The following PSMB7 variants were observed in gnomAD, a reference collection of about 807,000 sequenced individuals.
PSMB7 encodes proteasome subunit beta type-7.
In PSMB7, 5 loss-of-function variants were observed where a neutral mutation model predicts 28.1. That is an observed-to-expected ratio of 0.18 (90% CI 0.09 to 0.37). The LOEUF (loss-of-function observed/expected upper bound fraction) is 0.37. Among genes scored for constraint, PSMB7 ranks in the 10% least tolerant of loss-of-function variants. The pLI is 1.00. For synonymous variants in PSMB7, 122 were observed against 123.7 expected (o/e 0.99, Z 0.09); for missense variants, 275 against 346.2 (o/e 0.79, Z 1.63).
At chr9:124,389,584 C>A (rs1830763387) in intron 5 of PSMB7, among the ~76,000 whole-genome samples, 1 of 152,160 alleles carries the variant, frequency 6.6e-6, no homozygotes, top group Admixed American at 6.5e-5. Context: ...CCCAACCCAC[C>A]AAGAAGCCGG....
At chr9:124,363,999 G>C (rs3758208) in intron 6 of PSMB7, among the ~76,000 whole-genome samples, 9,565 of 152,146 alleles carry the variant, frequency 0.063, 926 homozygotes, top group East Asian at 0.46. Flanking sequence ...TGAGAATAAT[G>C]CCTCTGTCCA....
rs574109220 is a variant in PSMB7 at position 124,392,675 on chromosome 9, G to C, written c.512-8019C>G. Among the ~76,000 whole-genome samples, 18 of 152,292 alleles carry C rather than the reference G, an allele frequency of 1.2e-4. 1 individual carries two copies. The South Asian group carries it at 2.5e-3, about 21-fold the overall frequency. On this transcript the variant is annotated intron_variant, in intron 5 of 7. Coordinates refer to ENST00000259457, the MANE Select transcript of PSMB7 (RefSeq NM_002799.4). ...CAGCTATTTTATACAATCACTCTCA[G>C]CAAGTCCCAGGGTTGGCAGCTTTCA... is the stretch of plus-strand genomic sequence containing the variant.
At chr9:124,388,858 C>G (rs1830754283) in intron 5 of PSMB7, among the ~76,000 whole-genome samples, 1 of 152,210 alleles carries the variant, frequency 6.6e-6, no homozygotes, top group Non-Finnish European at 1.5e-5. Flanking sequence ...TCCTAGAACC[C>G]TTCCTTGGTC....
At chr9:124,414,623 AAAG>A (rs1437703327) in intron 2 of PSMB7, among the ~76,000 whole-genome samples, 15 of 140,098 alleles carry the variant, frequency 1.1e-4, no homozygotes, top group African/African-American at 2.7e-4. Context: ...AAAAAAAAAA[AAAG>A]AAAGAAAGAA....
chr9:124,354,070 C>T (rs1208543646), intron 7 of PSMB7, among the ~76,000 whole-genome samples: 2 of 152,178 alleles, frequency 1.3e-5, no homozygotes, highest in Non-Finnish European at 2.9e-5. Context: ...CAAATCCCAT[C>T]ATTACACAAG....
Position 124,356,702 on chromosome 9 carries a change from G to A in PSMB7, c.722+62C>T. On this transcript the variant is annotated intron_variant, in intron 7 of 7. Coordinates refer to ENST00000259457, the MANE Select transcript of PSMB7 (RefSeq NM_002799.4). The surrounding 1 kb of genome is among the most constrained non-coding windows in gnomAD (Gnocchi z 4.4). Reference sequence around the variant, plus strand: ...AGGAAAACTCCATCCAGATGCCATGGAGATACCAAGGGTGGCCACGACGCC... The same window carrying A: ...AGGAAAACTCCATCCAGATGCCATGAAGATACCAAGGGTGGCCACGACGCC... 6.5e-7 allele frequency: 1 copy of A among 1,541,362 alleles called. No individual in the cohort carries two copies. The highest frequency in any genetic ancestry group is 1.2e-5 in the South Asian group (1 of 84,452).
chr9:124,385,974 T>G (rs1830714694), intron 5 of PSMB7, among the ~76,000 whole-genome samples: 1 of 152,118 alleles, frequency 6.6e-6, no homozygotes, highest in Admixed American at 6.5e-5. Flanking sequence ...GATACTCCTG[T>G]TAGGGAATAT....
intron 4 of PSMB7, among the ~76,000 whole-genome samples, chr9:124,410,040 G>C (rs866354585): frequency 7.2e-6 from 1 of 139,154 alleles, no homozygotes; most frequent in African/African-American, 2.7e-5. Flanking sequence ...ACGGAGTCTC[G>C]CACTTTCACC....
chr9:124,380,284 T>G (rs544660859), intron 6 of PSMB7, among the ~76,000 whole-genome samples: 1 of 152,332 alleles, frequency 6.6e-6, no homozygotes, highest in East Asian at 1.9e-4. Context: ...CCCACTTTCA[T>G]GTGTCTTGAA....
intron 5 of PSMB7, among the ~76,000 whole-genome samples, chr9:124,388,592 C>T (rs985447931): frequency 3.3e-5 from 5 of 152,154 alleles, no homozygotes; most frequent in Non-Finnish European, 5.9e-5. Flanking sequence ...AGCTGTTGAC[C>T]CTATGTCGCG....
chr9:124,393,919 T>C (rs1305270737), intron 5 of PSMB7, among the ~76,000 whole-genome samples: 1 of 152,200 alleles, frequency 6.6e-6, no homozygotes, highest in Non-Finnish European at 1.5e-5. Flanking sequence ...AAAATGCACC[T>C]ATCTTAATCA....
At chr9:124,378,361 A>G (rs912095715) in intron 6 of PSMB7, among the ~76,000 whole-genome samples, 13 of 152,196 alleles carry the variant, frequency 8.5e-5, no homozygotes, top group Non-Finnish European at 1.6e-4. Context: ...AATAGTACAG[A>G]ATATGTATCA....
chr9:124,385,027 T>C (rs573507584), intron 5 of PSMB7, among the ~76,000 whole-genome samples: 69 of 152,358 alleles, frequency 4.5e-4, no homozygotes, highest in African/African-American at 1.6e-3. Context: ...TGCTCCATAT[T>C]GTGCCTTGGC....
At chr9:124,368,475 T>A (rs1830529964) in intron 6 of PSMB7, among the ~76,000 whole-genome samples, 1 of 152,220 alleles carries the variant, frequency 6.6e-6, no homozygotes, top group Admixed American at 6.5e-5. Context: ...CAGAATCTAG[T>A]CATCGAATCC....
chr9:124,413,319 G>C (rs3780198), intron 3 of PSMB7, among the ~76,000 whole-genome samples: 56,117 of 151,362 alleles, frequency 0.37, 10,654 homozygotes, highest in Non-Finnish European at 0.42. Context: ...AATAGGGACA[G>C]TTCAGACGTA....
At chr9:124,379,032 C>T (rs143666927) in intron 6 of PSMB7, among the ~76,000 whole-genome samples, 112 of 152,276 alleles carry the variant, frequency 7.4e-4, no homozygotes, top group Middle Eastern at 3.4e-3. Context: ...AGCAATTCAT[C>T]ATCACCAAAA....
In PSMB7 at chr9:124,356,325, C is replaced by T. The variant is rs958570194; in HGVS notation, c.722+439G>A. On this transcript the variant is annotated intron_variant, in intron 7 of 7. Coordinates refer to ENST00000259457, the MANE Select transcript of PSMB7 (RefSeq NM_002799.4). This position sits in a 1 kb window ranked among gnomAD's most constrained non-coding sequence, Gnocchi z 4.4. The stretch of plus-strand genomic sequence containing the variant: ...CTCCCTGTAGCACAGCACACACACA[C>T]TAGCTCCCAAGGCCACCTCTGGGAG... 2.0e-5 allele frequency among the ~76,000 whole-genome samples: 3 copies of T among 152,230 alleles called. No individual in the cohort carries two copies. The highest frequency in any genetic ancestry group is 7.2e-5 in the African/African-American group (3 of 41,462).
At chr9:124,413,284 G>A (rs1017680671) in intron 3 of PSMB7, among the ~76,000 whole-genome samples, 5 of 151,544 alleles carry the variant, frequency 3.3e-5, no homozygotes, top group Admixed American at 1.3e-4. Context: ...CATAAGCAAC[G>A]GTAGAATAGC....
At position 124,353,717 on chromosome 9, in the gene PSMB7, G is replaced by C. The variant is rs778703846; in HGVS notation, c.723-8C>G. The stretch of plus-strand genomic sequence containing the variant: ...CACCTGTACCGGCCAAGCCTAGTAA[G>C]AGAAAAACAAAAGCACAGAGTTAGG... On this transcript the variant is annotated splice_polypyrimidine_tract_variant and splice_region_variant and intron_variant, in intron 7 of 7. Coordinates refer to ENST00000259457, the MANE Select transcript of PSMB7 (RefSeq NM_002799.4). The C allele has an allele frequency of 6.3e-7, 1 of 1,594,824 alleles. No individual in the cohort carries two copies. The highest frequency in any genetic ancestry group is 1.3e-5 in the African/African-American group (1 of 74,494).
Sources: allele counts gnomAD v4.1 joint callset (sites outside exome capture counted in the v4.1 genomes callset), GRCh38; gene constraint gnomAD v4.1.1; non-coding constraint Gnocchi (gnomAD v3.1); transcripts MANE v1.5; gene names NCBI Gene and HGNC (gene_info 2026-07-23, HGNC 2026-07-21).